The following ZNF804B variants were observed in gnomAD, a reference collection of about 807,000 sequenced individuals.
The protein encoded by ZNF804B is zinc finger protein 804B, also known as zinc finger 804B.
ZNF804B carries 80 observed loss-of-function variants against 101.4 expected under a neutral mutation model. The ratio of observed to expected loss-of-function variants is 0.79; its 90% CI spans 0.66 to 0.95. The LOEUF is 0.95. Ranked by LOEUF, ZNF804B falls within the 40% of genes least tolerant of loss-of-function variation. The probability of loss-of-function intolerance (pLI) is 0.00; values close to 1 mark genes in which losing one functional copy is unlikely to be tolerated. For missense variants in ZNF804B, 1,673 were observed against 1,561.9 expected (o/e 1.07, Z -1.20); for synonymous variants, 622 against 558.8 (o/e 1.11, Z -1.59).
chr7:89,056,552 A>G (rs1208868529), intron 1 of ZNF804B, among the ~76,000 whole-genome samples: 1 of 152,148 alleles, frequency 6.6e-6, no homozygotes, highest in Non-Finnish European at 1.5e-5. Flanking sequence ...CCAGTCCTAG[A>G]TGCCTTTTTC....
At chr7:89,195,849 G>T (rs1245439991) in intron 1 of ZNF804B, among the ~76,000 whole-genome samples, 1 of 150,384 alleles carries the variant, frequency 6.6e-6, no homozygotes, top group Admixed American at 6.7e-5. Flanking sequence ...ATTTACAAGA[G>T]AAGTGAAGGA....
chr7:88,931,580 T>C (rs980981334), intron 1 of ZNF804B, among the ~76,000 whole-genome samples: 3 of 151,900 alleles, frequency 2.0e-5, no homozygotes, highest in African/African-American at 7.2e-5. Context: ...TGGACATATC[T>C]CCTTAGTGTA....
At chr7:88,854,518 T>TTTCC (rs1306860321) in intron 1 of ZNF804B, among the ~76,000 whole-genome samples, 1 of 68,144 alleles carries the variant, frequency 1.5e-5, no homozygotes, top group Non-Finnish European at 2.6e-5. Context: ...TTTCCTTTCC[T>TTTCC]TTCCTTCCTT....
chr7:89,312,832 A>T (rs947852945), intron 2 of ZNF804B, among the ~76,000 whole-genome samples: 1 of 151,996 alleles, frequency 6.6e-6, no homozygotes, highest in Admixed American at 6.6e-5. Flanking sequence ...AAAAAAAAAA[A>T]GATAATGACA....
chr7:88,863,303 T>C (rs1238653758), intron 1 of ZNF804B, among the ~76,000 whole-genome samples: 1 of 152,218 alleles, frequency 6.6e-6, no homozygotes, highest in Non-Finnish European at 1.5e-5. Flanking sequence ...CTACAAACAT[T>C]TTTCTTGTCC....
intron 1 of ZNF804B, among the ~76,000 whole-genome samples, chr7:88,814,488 A>C (rs538557671): frequency 8.1e-5 from 11 of 136,056 alleles, no homozygotes; most frequent in Admixed American, 6.9e-4. Context: ...ACACACACAC[A>C]CACAGAAAGT....
intron 2 of ZNF804B, among the ~76,000 whole-genome samples, chr7:89,228,320 C>T (rs1467341326): frequency 1.3e-5 from 2 of 152,142 alleles, no homozygotes; most frequent in African/African-American, 4.8e-5. Flanking sequence ...CAGGTTGCCA[C>T]TGCTGGCTCA....
At chr7:89,119,324 A>T (rs1790363702) in intron 1 of ZNF804B, among the ~76,000 whole-genome samples, 1 of 152,208 alleles carries the variant, frequency 6.6e-6, no homozygotes, top group Non-Finnish European at 1.5e-5. Context: ...TTTAAAAATT[A>T]AATTAAAATT....
chr7:89,280,092 G>C (rs987034815), intron 2 of ZNF804B, among the ~76,000 whole-genome samples: 2 of 152,008 alleles, frequency 1.3e-5, no homozygotes, highest in African/African-American at 4.8e-5. Flanking sequence ...CTAGAACTCG[G>C]GATTAAGAAA....
chr7:88,833,060 A>G (rs921238356), intron 1 of ZNF804B, among the ~76,000 whole-genome samples: 22 of 151,452 alleles, frequency 1.5e-4, no homozygotes, highest in African/African-American at 4.8e-4. Flanking sequence ...GAATGCTTTT[A>G]TTTTTTAACC....
At chr7:89,105,413 GCA>G (rs1790119502) in intron 1 of ZNF804B, among the ~76,000 whole-genome samples, 2 of 151,984 alleles carry the variant, frequency 1.3e-5, no homozygotes, top group South Asian at 4.1e-4. Context: ...CTGAACTAAA[GCA>G]CAGTTGTTGT....
At chr7:88,810,781 A>G (rs1009453623) in intron 1 of ZNF804B, among the ~76,000 whole-genome samples, 3 of 152,176 alleles carry the variant, frequency 2.0e-5, no homozygotes, top group African/African-American at 7.2e-5. Context: ...ATAACCTTCC[A>G]ATCTTCAGCA....
intron 2 of ZNF804B, among the ~76,000 whole-genome samples, chr7:89,270,188 A>G (rs1354702713): frequency 2.6e-5 from 4 of 152,168 alleles, no homozygotes; most frequent in African/African-American, 4.8e-5. Context: ...TAGGGTTTGT[A>G]TGGTTTTAGG....
In ZNF804B at chr7:88,989,101, C is replaced by T. The variant is rs142203635; in HGVS notation, c.108+229017C>T. Among the ~76,000 whole-genome samples, 1,311 of 152,112 alleles carry T rather than the reference C, an allele frequency of 8.6e-3. 17 individuals are homozygous for T. Among genetic ancestry groups the T allele is most frequent in the African/African-American group, 0.03 (1,259 of 41,492 alleles). On this transcript the variant is annotated intron_variant, in intron 1 of 3. Coordinates refer to ENST00000333190, the MANE Select transcript of ZNF804B (RefSeq NM_181646.5). The stretch of plus-strand genomic sequence containing the variant: ...GCAGTGGCATGATCTCGGCTCACTG[C>T]AACCTCTGCCTCCCGGGTTCAAGGG...
chr7:88,854,527 T>TTCCCTTCCCTTCCCTTCCTTCCTTCC lies in ZNF804B; in HGVS notation c.108+94444_108+94445insCCCTTCCCTTCCCTTCCTTCCTTCCT, dbSNP rs1554340248. 2.0e-4 allele frequency among the ~76,000 whole-genome samples: 8 copies of TTCCCTTCCCTTCCCTTCCTTCCTTCC among 40,074 alleles called. No homozygotes were observed. In the Admixed American group the frequency reaches 2.2e-3, roughly 11 times the overall value. 26.3% of individuals were successfully genotyped at this position (40,074 alleles called of 152,430 possible). A position where few individuals can be genotyped will look rare whatever the true frequency, so the allele number is the denominator to read the frequency against. On this transcript the variant is annotated intron_variant, in intron 1 of 3. Transcript: ENST00000333190. ...CTTTCCTTTCCTTTCCTTTCCTTCCTTTCCTTCCTTCCTTCCTTCCTTCCT... is the reference window on the plus strand; with the variant it reads ...CTTTCCTTTCCTTTCCTTTCCTTCCTTCCCTTCCCTTCCCTTCCTTCCTTCCTTCCTTCCTTCCTTCCTTCCTTCCT...
At chr7:88,846,710 G>GTA (rs567664153) in intron 1 of ZNF804B, among the ~76,000 whole-genome samples, 89 of 150,026 alleles carry the variant, frequency 5.9e-4, no homozygotes, top group African/African-American at 2.2e-3. Context: ...CAAAAAAAGG[G>GTA]TATATGTCTA....
intron 1 of ZNF804B, among the ~76,000 whole-genome samples, chr7:89,076,775 A>C (rs184626254): frequency 1.3e-5 from 2 of 152,214 alleles, no homozygotes; most frequent in Non-Finnish European, 2.9e-5. Context: ...TTAATTAAGC[A>C]TACATGCAAA....
At chr7:88,944,452 T>C (rs1793096841) in intron 1 of ZNF804B, among the ~76,000 whole-genome samples, 1 of 151,902 alleles carries the variant, frequency 6.6e-6, no homozygotes, top group South Asian at 2.1e-4. Context: ...TTTATAATTA[T>C]TGAGTTGCAA....
At chr7:89,212,725 GA>G (rs1788824285) in intron 1 of ZNF804B, among the ~76,000 whole-genome samples, 4 of 152,128 alleles carry the variant, frequency 2.6e-5, no homozygotes, top group Admixed American at 2.6e-4. Flanking sequence ...TGTCTTAGGA[GA>G]CACCTTTACA....
Sources: allele counts gnomAD v4.1 joint callset (sites outside exome capture counted in the v4.1 genomes callset), GRCh38; gene constraint gnomAD v4.1.1; transcripts MANE v1.5; gene names NCBI Gene and HGNC (gene_info 2026-07-23, HGNC 2026-07-21).